The following RNF150 variants were observed in gnomAD, a reference collection of about 807,000 sequenced individuals.
RNF150 encodes ring finger protein 150.
Under a neutral mutation model 39.3 loss-of-function variants are expected in RNF150, and 24 were observed. That is an observed-to-expected ratio of 0.61 (90% confidence interval 0.44 to 0.86). The LOEUF (loss-of-function observed/expected upper bound fraction) is 0.86, where lower values mean the gene tolerates loss of function less well. Ranked by LOEUF, RNF150 falls within the 40% of genes least tolerant of loss-of-function variation. RNF150 has a pLI of 0.00. For missense variants in RNF150, 502 were observed against 587.8 expected (o/e 0.85, Z 1.51); for synonymous variants, 255 against 227.3 (o/e 1.12, Z -1.10).
chr4:140,945,419 G>A (rs1199086649), intron 4 of RNF150, among the ~76,000 whole-genome samples: 1 of 151,628 alleles, frequency 6.6e-6, no homozygotes, highest in Non-Finnish European at 1.5e-5. Flanking sequence ...AGCCAAAAAT[G>A]TTCCCAAATA....
intron 6 of RNF150, among the ~76,000 whole-genome samples, chr4:140,897,409 C>A (rs1481163093): frequency 6.6e-6 from 1 of 152,148 alleles, no homozygotes; most frequent in African/African-American, 2.4e-5. Context: ...TCTCTGCCTA[C>A]CCCTAGAAAC....
intron 1 of RNF150, among the ~76,000 whole-genome samples, chr4:141,154,597 T>A (rs984392120): frequency 1.3e-5 from 2 of 152,208 alleles, no homozygotes; most frequent in Admixed American, 6.5e-5. Context: ...TTCTGGTGTG[T>A]TTCTAGAGAG....
At chr4:141,041,056 A>G (rs1736347191) in intron 1 of RNF150, among the ~76,000 whole-genome samples, 1 of 152,148 alleles carries the variant, frequency 6.6e-6, no homozygotes, top group African/African-American at 2.4e-5. Context: ...CAAACGGTTT[A>G]GTAAATGTTG....
At position 141,150,767 on chromosome 4, in the gene RNF150, AGG is replaced by A. The variant is rs1198258294; in HGVS notation, c.-6+62025_-6+62026del. ...CTCCTACTAGAATGTAAATCTTAAG[AGG>A]GCAGGAATTTTCATCCACATTCTTT... On this transcript the variant is annotated intron_variant, in intron 1 of 7. Transcript: ENST00000420921. 5.9e-5 allele frequency among the ~76,000 whole-genome samples: 9 copies of A among 152,308 alleles called. No homozygotes were observed. The East Asian group carries it at 1.5e-3, about 26-fold the overall frequency.
intron 1 of RNF150, among the ~76,000 whole-genome samples, chr4:141,140,672 ATT>A (rs1486682060): frequency 6.6e-6 from 1 of 152,230 alleles, no homozygotes; most frequent in African/African-American, 2.4e-5. Context: ...AAGCCAAGAC[ATT>A]CAGAGCACTG....
At chr4:141,184,775 G>T (rs1422503051) in intron 1 of RNF150, among the ~76,000 whole-genome samples, 4 of 151,954 alleles carry the variant, frequency 2.6e-5, no homozygotes, top group African/African-American at 9.7e-5. Flanking sequence ...TTTCCCCATT[G>T]CTTCTTTTTG....
At chr4:141,103,361 G>A (rs778134274) in intron 1 of RNF150, among the ~76,000 whole-genome samples, 4 of 152,118 alleles carry the variant, frequency 2.6e-5, no homozygotes, top group Non-Finnish European at 5.9e-5. Flanking sequence ...GCTTCTATGA[G>A]CTAAAAACAG....
intron 6 of RNF150, among the ~76,000 whole-genome samples, chr4:140,893,074 A>T (rs1729814880): frequency 6.6e-6 from 1 of 151,856 alleles, no homozygotes; most frequent in East Asian, 1.9e-4. Context: ...TCTTAAAAGA[A>T]AAAAAAAGGT....
At chr4:140,955,100 T>G (rs1275051519) in intron 2 of RNF150, among the ~76,000 whole-genome samples, 1 of 152,188 alleles carries the variant, frequency 6.6e-6, no homozygotes, top group East Asian at 1.9e-4. Flanking sequence ...CAAGAGTGAC[T>G]GAAACGTTTT....
intron 1 of RNF150, among the ~76,000 whole-genome samples, chr4:141,004,944 G>A (rs762165564): frequency 1.2e-4 from 18 of 152,288 alleles, no homozygotes; most frequent in Non-Finnish European, 2.2e-4. Flanking sequence ...AGAGATTCTT[G>A]TTTCAACAAA....
intron 1 of RNF150, among the ~76,000 whole-genome samples, chr4:141,049,701 A>G (rs1171456341): frequency 1.3e-5 from 2 of 152,182 alleles, no homozygotes; most frequent in African/African-American, 4.8e-5. Context: ...AATATTTGCT[A>G]ATTAGAAAAC....
chr4:141,138,763 G>A (rs748914508), intron 1 of RNF150, among the ~76,000 whole-genome samples: 1 of 152,108 alleles, frequency 6.6e-6, no homozygotes, highest in Non-Finnish European at 1.5e-5. Context: ...TCTTCAAAGT[G>A]GAGTGATTAC....
At chr4:140,973,596 G>A (rs56187511) in intron 1 of RNF150, among the ~76,000 whole-genome samples, 2,613 of 152,024 alleles carry the variant, frequency 0.017, 68 homozygotes, top group African/African-American at 0.059. Flanking sequence ...GTATAAACAT[G>A]CCGGGCATGG....
At chr4:141,044,673 G>A (rs1186570361) in intron 1 of RNF150, among the ~76,000 whole-genome samples, 1 of 152,136 alleles carries the variant, frequency 6.6e-6, no homozygotes, top group African/African-American at 2.4e-5. Context: ...CAGATCAGAA[G>A]CCAGGTACCC....
intron 2 of RNF150, among the ~76,000 whole-genome samples, chr4:140,953,037 T>C (rs1213099113): frequency 2.0e-5 from 3 of 152,148 alleles, no homozygotes; most frequent in South Asian, 2.1e-4. Context: ...TGTAACACAA[T>C]GGTAAGGATC....
intron 1 of RNF150, among the ~76,000 whole-genome samples, chr4:141,131,451 C>T (rs1221139437): frequency 4.6e-5 from 7 of 152,162 alleles, no homozygotes. Context: ...TGTTAACAAG[C>T]CTGGGGATGG....
chr4:141,010,390 A>G (rs1222441307), intron 1 of RNF150, among the ~76,000 whole-genome samples: 1 of 152,182 alleles, frequency 6.6e-6, no homozygotes, highest in African/African-American at 2.4e-5. Context: ...GGTTGAAACT[A>G]AAGACCAACT....
At chr4:141,077,127 A>G (rs1389360042) in intron 1 of RNF150, among the ~76,000 whole-genome samples, 1 of 152,232 alleles carries the variant, frequency 6.6e-6, no homozygotes, top group African/African-American at 2.4e-5. Context: ...GGGGATAGAA[A>G]TCAATGTGTT....
At chr4:140,874,092 GTGGTGGGGTTTATTAAT>G (rs1249998161) in intron 6 of RNF150, among the ~76,000 whole-genome samples, 1 of 152,154 alleles carries the variant, frequency 6.6e-6, no homozygotes, top group East Asian at 1.9e-4. Context: ...ATAATTCTCA[GTGGTGGGGTTTATTAAT>G]TCCATTTAGT....
Sources: allele counts gnomAD v4.1 joint callset (sites outside exome capture counted in the v4.1 genomes callset), GRCh38; gene constraint gnomAD v4.1.1; transcripts MANE v1.5; gene names NCBI Gene and HGNC (gene_info 2026-07-23, HGNC 2026-07-21).